The following PRKN variants were observed in gnomAD, a reference collection of about 807,000 sequenced individuals.
PRKN encodes parkin RBR E3 ubiquitin protein ligase.
In PRKN, 56 loss-of-function variants were observed where a neutral mutation model predicts 59.5. The observed-to-expected ratio is 0.94, with a 90% CI of 0.76 to 1.18. The LOEUF (loss-of-function observed/expected upper bound fraction) is 1.18. Ranked by LOEUF, PRKN falls within the 50% of genes most tolerant of loss-of-function variation. The pLI is 0.00. For missense variants in PRKN, 657 were observed against 596.4 expected (o/e 1.10, Z -1.06); for synonymous variants, 250 against 222.1 (o/e 1.13, Z -1.12).
chr6:161,856,680 A>G (rs909415914), intron 6 of PRKN, among the ~76,000 whole-genome samples: 3 of 152,124 alleles, frequency 2.0e-5, no homozygotes, highest in Non-Finnish European at 2.9e-5. Flanking sequence ...TTCTGATTCT[A>G]TGATTTAAAA....
chr6:161,771,481 G>A (rs1028253712), intron 7 of PRKN, among the ~76,000 whole-genome samples: 7 of 152,120 alleles, frequency 4.6e-5, no homozygotes, highest in Non-Finnish European at 1.0e-4. Context: ...TGCTGAGGAA[G>A]TAAATAAGAT....
intron 1 of PRKN, among the ~76,000 whole-genome samples, chr6:162,561,977 G>T (rs746063031): frequency 3.9e-5 from 6 of 152,168 alleles, no homozygotes; most frequent in Admixed American, 6.5e-5. Flanking sequence ...ACAAGGGAGT[G>T]CTGGCATCAC....
At position 161,362,798 on chromosome 6, in the gene PRKN, A is replaced by G; in HGVS notation, c.1168-2593T>C. 6.6e-6 allele frequency among the ~76,000 whole-genome samples: 1 copy of G among 152,246 alleles called. No homozygotes were observed. The highest frequency in any genetic ancestry group is 1.5e-5 in the Non-Finnish European group (1 of 68,042). ...AAAAGCCAAACCTCAAGGAAATTAC[A>G]CAAATAAAATTCTAAGAAATCTGGG... On this transcript the variant is annotated intron_variant, in intron 10 of 11. Transcript: ENST00000366898. This position sits in a 1 kb window ranked among gnomAD's most constrained non-coding sequence, Gnocchi z 5.2.
chr6:161,791,613 G>A (rs889864255), intron 6 of PRKN, among the ~76,000 whole-genome samples: 5 of 152,072 alleles, frequency 3.3e-5, no homozygotes, highest in South Asian at 4.2e-4. Flanking sequence ...GACATATATC[G>A]AAAGCAATGT....
chr6:161,608,721 G>A (rs946461046), intron 7 of PRKN, among the ~76,000 whole-genome samples: 2 of 151,328 alleles, frequency 1.3e-5, no homozygotes, highest in Non-Finnish European at 2.9e-5. Flanking sequence ...TTAATTTTTA[G>A]TAGAGATGGG....
chr6:161,977,962 T>C (rs1316855683), intron 5 of PRKN, among the ~76,000 whole-genome samples: 1 of 151,196 alleles, frequency 6.6e-6, no homozygotes, highest in Non-Finnish European at 1.5e-5. Flanking sequence ...CCATGGAGAA[T>C]TGCTTCTCAA....
chr6:161,773,253 G>T (rs1402589234), intron 7 of PRKN, among the ~76,000 whole-genome samples: 1 of 152,130 alleles, frequency 6.6e-6, no homozygotes, highest in Non-Finnish European at 1.5e-5. Context: ...ATAAATTTAA[G>T]AATACATCAA....
chr6:161,661,561 T>TG (rs1784547197), intron 7 of PRKN, among the ~76,000 whole-genome samples: 1 of 151,928 alleles, frequency 6.6e-6, no homozygotes, highest in African/African-American at 2.4e-5. Flanking sequence ...TTCCATTTTT[T>TG]TTTTTTCTGT....
At position 161,592,844 on chromosome 6, in the gene PRKN, C is replaced by G. The variant is rs1781773532; in HGVS notation, c.872-23428G>C. Among the ~76,000 whole-genome samples, 2 of 152,096 alleles carry G rather than the reference C, an allele frequency of 1.3e-5. No individual in the cohort carries two copies. The highest frequency in any genetic ancestry group is 4.1e-4 in the South Asian group (2 of 4,822). ...AGGGCTGGCGGGAGAGGCAGGAGGT[C>G]ACCGCAGGACCTGAAGGAAATGACT... On this transcript the variant is annotated intron_variant, in intron 7 of 11. Coordinates refer to ENST00000366898, the MANE Select transcript of PRKN (RefSeq NM_004562.3). The surrounding 1 kb of genome is among the most constrained non-coding windows in gnomAD (Gnocchi z 4.8).
intron 2 of PRKN, among the ~76,000 whole-genome samples, chr6:162,425,374 A>G (rs1178579332): frequency 6.6e-6 from 1 of 152,198 alleles, no homozygotes; most frequent in East Asian, 1.9e-4. Context: ...TAATCTTCCA[A>G]GGGAGAGAAG....
chr6:161,934,293 G>A (rs1228205346), intron 6 of PRKN, among the ~76,000 whole-genome samples: 1 of 152,130 alleles, frequency 6.6e-6, no homozygotes, highest in Non-Finnish European at 1.5e-5. Flanking sequence ...GGAACTGTGA[G>A]TCAATTAAAC....
At chr6:161,732,483 T>G (rs80215968) in intron 7 of PRKN, among the ~76,000 whole-genome samples, 7,748 of 140,182 alleles carry the variant, frequency 0.055, 251 homozygotes, top group African/African-American at 0.11. Context: ...GGTTTTTTTT[T>G]TTTGTGTGTG....
At chr6:161,590,735 CAA>C (rs367972243) in intron 7 of PRKN, among the ~76,000 whole-genome samples, 16 of 99,454 alleles carry the variant, frequency 1.6e-4, no homozygotes, top group Admixed American at 4.4e-4. Flanking sequence ...GACTCTGTCT[CAA>C]AAAAAAAAAA....
rs557498205 is a variant in PRKN at position 162,272,517 on chromosome 6, C to T, written c.172-9752G>A. ...CAGGGTTTGAGAGCTTAACAACACA[C>T]GCTCTTGATGAAGCTGACCCGGAAA... On this transcript the variant is annotated intron_variant, in intron 2 of 11. Transcript: ENST00000366898. 5.3e-5 allele frequency among the ~76,000 whole-genome samples: 8 copies of T among 152,172 alleles called. No individual in the cohort carries two copies. In the South Asian group the frequency reaches 1.2e-3, roughly 24 times the overall value.
Position 161,859,745 on chromosome 6 carries a change from G to A in PRKN, c.735-73837C>T, listed in dbSNP as rs115167748. Reference sequence around the variant, plus strand: ...GGTTATGCTTATTCAGTGGGATTCCGTCTTCTTGCATGTCTAATGGTGTTA... The same window carrying A: ...GGTTATGCTTATTCAGTGGGATTCCATCTTCTTGCATGTCTAATGGTGTTA... On this transcript the variant is annotated intron_variant, in intron 6 of 11. Transcript: ENST00000366898. Among the ~76,000 whole-genome samples, 613 of 152,112 alleles carry A rather than the reference G, an allele frequency of 4.0e-3. 3 individuals are homozygous for A. The highest frequency in any genetic ancestry group is 0.014 in the African/African-American group (572 of 41,494).
intron 1 of PRKN, among the ~76,000 whole-genome samples, chr6:162,639,770 T>C (rs904922506): frequency 6.6e-6 from 1 of 152,168 alleles, no homozygotes; most frequent in African/African-American, 2.4e-5. Context: ...AGAAAAAGTC[T>C]AGCCTCATTA....
chr6:161,509,741 G>A (rs1383581815), intron 9 of PRKN, among the ~76,000 whole-genome samples: 2 of 151,844 alleles, frequency 1.3e-5, no homozygotes, highest in African/African-American at 2.4e-5. Flanking sequence ...TTAGCTGTGT[G>A]TGGTGGTGCG....
At chr6:162,595,269 T>G (rs1315892178) in intron 1 of PRKN, among the ~76,000 whole-genome samples, 3 of 150,666 alleles carry the variant, frequency 2.0e-5, no homozygotes, top group Middle Eastern at 3.2e-3. Flanking sequence ...TTTTTCTTTA[T>G]TTTTTTTTGA....
At chr6:162,718,527 C>T (rs377662420) in intron 1 of PRKN, among the ~76,000 whole-genome samples, 13 of 152,100 alleles carry the variant, frequency 8.5e-5, no homozygotes, top group East Asian at 1.9e-4. Context: ...CTGACTAACA[C>T]GGTGATACCC....
Sources: allele counts gnomAD v4.1 joint callset (sites outside exome capture counted in the v4.1 genomes callset), GRCh38; gene constraint gnomAD v4.1.1; non-coding constraint Gnocchi (gnomAD v3.1); transcripts MANE v1.5; gene names NCBI Gene and HGNC (gene_info 2026-07-23, HGNC 2026-07-21).